The following SENP7 variants were observed in gnomAD, a reference collection of about 807,000 sequenced individuals.
SENP7 encodes the protein SUMO specific peptidase 7, also known as sentrin-specific protease 7.
Under a neutral mutation model 141.2 loss-of-function variants are expected in SENP7, and 64 were observed. That is an observed-to-expected ratio of 0.45 (90% CI 0.37 to 0.56). The LOEUF is 0.56. Ranked by LOEUF, SENP7 falls within the 20% of genes least tolerant of loss-of-function variation. The pLI is 0.00. For synonymous variants in SENP7, 382 were observed against 426.4 expected (o/e 0.90, Z 1.28); for missense variants, 1,025 against 1,212.2 (o/e 0.85, Z 2.29).
At chr3:101,330,277 T>C in intron 20 of SENP7, 57 bp downstream of exon 20, 1 of 1,288,206 alleles carries the variant, frequency 7.8e-7, no homozygotes, top group Non-Finnish European at 1.1e-6. Flanking sequence ...ATTTTACAGA[T>C]AACATTATTA....
chr3:101,351,604 G>C lies in SENP7; in HGVS notation c.1657+14C>G. The C allele has an allele frequency of 7.5e-7, 1 of 1,342,040 alleles. No homozygotes were observed. The highest frequency in any genetic ancestry group is 2.8e-5 in the East Asian group (1 of 35,788). 83.1% of individuals were successfully genotyped at this position (1,342,040 alleles called of 1,614,324 possible). On this transcript the variant is annotated intron_variant, in intron 12 of 23. Transcript: ENST00000394095. ...ATAGTAAAAAGACAAGTTCATAAGA[G>C]AATGATAACTTACCTTGAAATGGGA...
intron 6 of SENP7, among the ~76,000 whole-genome samples, chr3:101,394,921 C>T (rs1003999384): frequency 2.0e-5 from 3 of 152,144 alleles, no homozygotes; most frequent in South Asian, 2.1e-4. Flanking sequence ...TGTTCACATA[C>T]CTGTTTGTCA....
intron 6 of SENP7, 39 bp from the exon 7 acceptor site, chr3:101,372,165 G>T: frequency 9.0e-7 from 1 of 1,115,472 alleles, no homozygotes; most frequent in Non-Finnish European, 1.2e-6. Flanking sequence ...TTCTAATAAA[G>T]CCCAAATGAA....
chr3:101,403,295 A>C (rs2061204077), intron 5 of SENP7, among the ~76,000 whole-genome samples: 1 of 152,234 alleles, frequency 6.6e-6, no homozygotes. Flanking sequence ...TCCCCTAATT[A>C]AAAATTTTAC....
chr3:101,444,431 A>G (rs1396480701), intron 4 of SENP7, among the ~76,000 whole-genome samples: 1 of 152,106 alleles, frequency 6.6e-6, no homozygotes, highest in East Asian at 1.9e-4. Context: ...TGATATAAAG[A>G]CACATGCACA....
intron 5 of SENP7, among the ~76,000 whole-genome samples, chr3:101,404,809 T>C (rs1427445316): frequency 6.6e-6 from 1 of 151,740 alleles, no homozygotes; most frequent in Non-Finnish European, 1.5e-5. Context: ...ATGCAGACAA[T>C]AATCATATTT....
At chr3:101,426,498 T>TA (rs201490636) in intron 4 of SENP7, among the ~76,000 whole-genome samples, 4 of 149,388 alleles carry the variant, frequency 2.7e-5, no homozygotes, top group African/African-American at 9.9e-5. Flanking sequence ...TTTTTTTTTT[T>TA]AGATAGAGTC....
chr3:101,399,108 AAAATGTATTCCAGG>A, intron 5 of SENP7, 53 bp from the exon 6 acceptor site: 1 of 1,168,418 alleles, frequency 8.6e-7, no homozygotes, highest in Non-Finnish European at 1.1e-6. Context: ...CAGTTAAAAA[AAAATGTATTCCAGG>A]AAGGTGAATT....
At chr3:101,425,915 C>T (rs1458427247) in intron 4 of SENP7, among the ~76,000 whole-genome samples, 1 of 152,030 alleles carries the variant, frequency 6.6e-6, no homozygotes, top group African/African-American at 2.4e-5. Flanking sequence ...ATCTCAGTGC[C>T]TGAAGACTGA....
At chr3:101,493,783 T>C (rs1222488712) in intron 3 of SENP7, 90 bp downstream of exon 3, 1 of 731,022 alleles carries the variant, frequency 1.4e-6, no homozygotes, top group South Asian at 2.3e-5. Context: ...AAAAGGGACA[T>C]ATCAGAAAAT....
intron 1 of SENP7, among the ~76,000 whole-genome samples, chr3:101,508,017 C>A (rs553239818): frequency 7.1e-6 from 1 of 140,910 alleles, no homozygotes; most frequent in Non-Finnish European, 1.5e-5. Flanking sequence ...TCACTGCACT[C>A]CAGCCTGGCG....
At chr3:101,346,101 G>A (rs2059446841) in intron 13 of SENP7, among the ~76,000 whole-genome samples, 2 of 151,990 alleles carry the variant, frequency 1.3e-5, no homozygotes, top group South Asian at 2.1e-4. Flanking sequence ...TCAAAAAGTG[G>A]GCTAAGGACA....
In SENP7 at chr3:101,417,688, C is replaced by T; in HGVS notation, c.387G>A (p.Lys129=). The T allele has an allele frequency of 6.2e-7, 1 of 1,613,628 alleles. No homozygotes were observed. Among genetic ancestry groups the T allele is most frequent in the East Asian group, 2.2e-5 (1 of 44,866 alleles). The change falls in exon 5 of 24, where the codon AAG becomes AAA. Residue 129 remains lysine, a synonymous_variant. Transcript: ENST00000394095. ...RNDANLCDAN[K]VQSDSLPSTS... Reference sequence around the variant, plus strand: ...TCGAAGGCAATGAGTCTGATTGCACCTTGTTGGCATCACATAAATTAGCAT... The same window carrying T: ...TCGAAGGCAATGAGTCTGATTGCACTTTGTTGGCATCACATAAATTAGCAT...
chr3:101,403,608 T>G (rs572767022), intron 5 of SENP7, among the ~76,000 whole-genome samples: 3 of 152,290 alleles, frequency 2.0e-5, no homozygotes, highest in Admixed American at 2.0e-4. Context: ...AGGAAACTCT[T>G]GAAAATATCC....
rs1457544788 is a variant in SENP7 at position 101,487,118 on chromosome 3, A to G, written c.186+6755T>C. On this transcript the variant is annotated intron_variant, in intron 3 of 23. Coordinates refer to ENST00000394095, the MANE Select transcript of SENP7 (RefSeq NM_020654.5). ...AACACTGGCACTCCCAAATTCATAA[A>G]ACAATTACTAATAGACCTAAGAAAT... Among the ~76,000 whole-genome samples the G allele has an allele frequency of 2.0e-5, 3 of 152,164 alleles. No individual in the cohort carries two copies. The East Asian group carries it at 5.8e-4, about 29-fold the overall frequency.
chr3:101,511,596 C>T (rs1039387057), intron 1 of SENP7, among the ~76,000 whole-genome samples: 2 of 152,144 alleles, frequency 1.3e-5, no homozygotes, highest in African/African-American at 4.8e-5. Context: ...ATCATTTATA[C>T]ATGTGCTTTC....
chr3:101,449,805 C>T (rs1287215673), intron 4 of SENP7, among the ~76,000 whole-genome samples: 1 of 152,066 alleles, frequency 6.6e-6, no homozygotes, highest in African/African-American at 2.4e-5. Flanking sequence ...GAAGAAACTG[C>T]AACTAATGAG....
intron 1 of SENP7, among the ~76,000 whole-genome samples, chr3:101,504,794 T>A (rs989737429): frequency 6.6e-6 from 1 of 152,178 alleles, no homozygotes; most frequent in South Asian, 2.1e-4. Context: ...CAAGGCAGGA[T>A]GACTGCTTGA....
chr3:101,444,742 TG>T (rs1221569788), intron 4 of SENP7, among the ~76,000 whole-genome samples: 5 of 56,168 alleles, frequency 8.9e-5, no homozygotes, highest in Non-Finnish European at 1.3e-4. Context: ...GGGACTGTTG[TG>T]GGGTGGGGGG....
Sources: allele counts gnomAD v4.1 joint callset (sites outside exome capture counted in the v4.1 genomes callset), GRCh38; gene constraint gnomAD v4.1.1; transcripts MANE v1.5; gene names NCBI Gene and HGNC (gene_info 2026-07-23, HGNC 2026-07-21).